The following TRRAP variants were observed in gnomAD, a reference collection of about 807,000 sequenced individuals.
TRRAP encodes transformation/transcription domain associated protein, also known as transformation/transcription domain-associated protein.
Under a neutral mutation model 438.8 loss-of-function variants are expected in TRRAP, and 41 were observed. The ratio of observed to expected loss-of-function variants is 0.09; its 90% CI spans 0.07 to 0.12. The LOEUF (loss-of-function observed/expected upper bound fraction) is 0.12. TRRAP is among the 10% of genes least tolerant of loss of function. TRRAP has a pLI of 1.00. For synonymous variants in TRRAP, 1,994 were observed against 1,962.9 expected (o/e 1.02, Z -0.42); for missense variants, 3,122 against 5,055.1 (o/e 0.62, Z 11.60).
chr7:98,891,205 T>TATG (rs35255192), intron 4 of TRRAP, among the ~76,000 whole-genome samples: 1 of 72,730 alleles, frequency 1.4e-5, no homozygotes, highest in Non-Finnish European at 2.7e-5. Context: ...ATATATATAT[T>TATG]TTTTTTTTTT....
chr7:98,920,208 C>T (rs1562941529), intron 20 of TRRAP, among the ~76,000 whole-genome samples: 1 of 152,148 alleles, frequency 6.6e-6, no homozygotes, highest in South Asian at 2.1e-4. Context: ...CGGTGGCTCA[C>T]GCCTGTAATC....
At position 98,905,964 on chromosome 7, in the gene TRRAP, G is replaced by A. The variant is rs189073246; in HGVS notation, c.1037-213G>A. ...TCTGACCCTGAACGTGACCCTGACT[G>A]CATCTTTGACAGCAGGTGGCTGGTG... On this transcript the variant is annotated intron_variant, in intron 12 of 72. Transcript: ENST00000456197. 8.5e-5 allele frequency among the ~76,000 whole-genome samples: 13 copies of A among 152,326 alleles called. No homozygotes were observed. The East Asian group carries it at 2.5e-3, about 29-fold the overall frequency.
intron 39 of TRRAP, 34 bp from the exon 40 acceptor site, chr7:98,953,133 C>T (rs1554418623): frequency 6.3e-7 from 1 of 1,594,674 alleles, no homozygotes; most frequent in Non-Finnish European, 8.5e-7. Flanking sequence ...CAGTTCACAA[C>T]TGGAAATGAG....
chr7:98,949,019 G>A (rs534143439), intron 35 of TRRAP, among the ~76,000 whole-genome samples: 64 of 152,314 alleles, frequency 4.2e-4, no homozygotes, highest in Middle Eastern at 3.4e-3. Flanking sequence ...GTTTACTTGA[G>A]CCCAGGAGTT....
At chr7:98,983,910 C>G (rs1562971188) in intron 60 of TRRAP, among the ~76,000 whole-genome samples, 183 bp from the exon 61 acceptor site, 1 of 152,188 alleles carries the variant, frequency 6.6e-6, no homozygotes, top group African/African-American at 2.4e-5. Context: ...ACACTCCACT[C>G]AAGAATTAGC....
intron 3 of TRRAP, among the ~76,000 whole-genome samples, chr7:98,884,769 G>A (rs932195652): frequency 2.0e-5 from 3 of 152,132 alleles, no homozygotes; most frequent in Admixed American, 1.3e-4. Context: ...GACCCAGCTT[G>A]CTGAACCCCA....
intron 31 of TRRAP, among the ~76,000 whole-genome samples, chr7:98,944,109 C>T (rs1414931894): frequency 3.3e-5 from 5 of 152,126 alleles, no homozygotes; most frequent in African/African-American, 1.2e-4. Context: ...AGGAACTCTT[C>T]GTGGAGGAGA....
rs182358863 is a variant in TRRAP at position 98,884,310 on chromosome 7, T to A, written c.150+2286T>A. 3.4e-3 allele frequency among the ~76,000 whole-genome samples: 513 copies of A among 152,220 alleles called. 3 individuals carry two copies. The highest frequency in any genetic ancestry group is 0.012 in the African/African-American group (493 of 41,534). On this transcript the variant is annotated intron_variant, in intron 3 of 72. Transcript: ENST00000456197. ...TCACCCAGGCTGGAGTACAGTGGTG[T>A]GGTCACAGCTCACTGCAGTCTCAAC...
At chr7:98,920,411 A>C (rs1789727296) in intron 20 of TRRAP, among the ~76,000 whole-genome samples, 1 of 151,876 alleles carries the variant, frequency 6.6e-6, no homozygotes, top group African/African-American at 2.4e-5. Context: ...TAGTGGTTGC[A>C]GTGAGCCGAG....
Position 98,935,597 on chromosome 7 carries a change from G to A in TRRAP, c.4033G>A (p.Ala1345Thr). 6.2e-7 allele frequency: 1 copy of A among 1,601,256 alleles called. No individual in the cohort carries two copies. Residue 1345 changes from alanine (A) to threonine (T), a missense_variant, in exon 28 of 73, where the codon GCT becomes ACT. Coordinates refer to ENST00000456197, the MANE Select transcript of TRRAP (RefSeq NM_001375524.1). ...TTTGCAGCTGTTGAATTTGTGTGAG[G>A]CTGAAGATTCAGCTTTAACAAAGCT... Reference protein sequence around the residue: ...FYTELLNLCEAEDSALTKLPC... With the variant: ...FYTELLNLCETEDSALTKLPC...
chr7:98,976,112 C>T lies in TRRAP; in HGVS notation c.7840-37C>T. 4 of 1,610,982 alleles carry T rather than the reference C, an allele frequency of 2.5e-6. No homozygotes were observed. Among genetic ancestry groups the T allele is most frequent in the Non-Finnish European group, 3.4e-6 (4 of 1,178,212 alleles). ...CGTGGTTGTGCGAGGCACCCCCAGC[C>T]CGTGGCCATCTCAGCCTGTTGTCTT... On this transcript the variant is annotated intron_variant, in intron 53 of 72. Coordinates refer to ENST00000456197, the MANE Select transcript of TRRAP (RefSeq NM_001375524.1). This position sits in a 1 kb window ranked among gnomAD's most constrained non-coding sequence, Gnocchi z 4.6.
chr7:98,893,413 C>G (rs1335665721), intron 5 of TRRAP, among the ~76,000 whole-genome samples: 1 of 152,222 alleles, frequency 6.6e-6, no homozygotes, highest in Non-Finnish European at 1.5e-5. Context: ...AGATGGAACC[C>G]CATCCTCACA....
In TRRAP at chr7:99,011,286, C is replaced by G; in HGVS notation, c.11142+31C>G. The G allele has an allele frequency of 1.2e-6, 2 of 1,613,058 alleles. No individual in the cohort carries two copies. Among genetic ancestry groups the G allele is most frequent in the East Asian group, 4.5e-5 (2 of 44,860 alleles). ...CTGCTTTGAACAGCCAGATCCTCTC[C>G]TCGTGACATCGCCTTTCTGCTGAAG... On this transcript the variant is annotated intron_variant, in intron 71 of 72. Coordinates refer to ENST00000456197, the MANE Select transcript of TRRAP (RefSeq NM_001375524.1). The surrounding 1 kb of genome is among the most constrained non-coding windows in gnomAD (Gnocchi z 7.1).
chr7:98,993,198 G>A (rs1003119415), intron 65 of TRRAP, among the ~76,000 whole-genome samples: 3 of 152,198 alleles, frequency 2.0e-5, no homozygotes, highest in Admixed American at 1.3e-4. Flanking sequence ...TAACAGAAAC[G>A]TTAAAAGGAG....
chr7:98,914,153 C>T (rs901486343), intron 18 of TRRAP, among the ~76,000 whole-genome samples: 8 of 152,040 alleles, frequency 5.3e-5, no homozygotes, highest in Non-Finnish European at 7.4e-5. Flanking sequence ...CTAGCACTTC[C>T]GGAGGCTGAG....
intron 38 of TRRAP, 49 bp from the exon 39 acceptor site, chr7:98,950,827 A>G: frequency 4.1e-6 from 6 of 1,471,800 alleles, no homozygotes; most frequent in Non-Finnish European, 4.5e-6. Flanking sequence ...TTAAGAAACA[A>G]ACAGCATGGC....
chr7:98,983,030 G>A (rs1018840797), intron 59 of TRRAP, among the ~76,000 whole-genome samples: 1 of 152,126 alleles, frequency 6.6e-6, no homozygotes, highest in South Asian at 2.1e-4. Flanking sequence ...TGTCTCTCAG[G>A]AGCCACAAGC....
intron 52 of TRRAP, 118 bp downstream of exon 52, chr7:98,970,409 G>C (rs1345307548): frequency 3.8e-6 from 5 of 1,313,022 alleles, no homozygotes; most frequent in Non-Finnish European, 5.1e-6. Flanking sequence ...TCCCAGAGAG[G>C]AGGTGAGGCC....
At chr7:98,918,923 G>A (rs1789658180) in intron 20 of TRRAP, among the ~76,000 whole-genome samples, 1 of 150,794 alleles carries the variant, frequency 6.6e-6, no homozygotes, top group South Asian at 2.1e-4. Flanking sequence ...AGGCATGGTA[G>A]CAAGCCCCCT....
Sources: allele counts gnomAD v4.1 joint callset (sites outside exome capture counted in the v4.1 genomes callset), GRCh38; gene constraint gnomAD v4.1.1; non-coding constraint Gnocchi (gnomAD v3.1); transcripts MANE v1.5; gene names NCBI Gene and HGNC (gene_info 2026-07-23, HGNC 2026-07-21).